PSMC6: variants seen among roughly 807,000 people sequenced by gnomAD.
The protein encoded by PSMC6 is proteasome 26S subunit, ATPase 6, also known as 26S proteasome regulatory subunit 10B.
A neutral mutation model predicts 55.9 loss-of-function variants in PSMC6; 3 were observed. That is an observed-to-expected ratio of 0.05 (90% CI 0.02 to 0.14). PSMC6 has a LOEUF of 0.14. Among genes scored for constraint, PSMC6 ranks in the 10% least tolerant of loss-of-function variants. The pLI, the probability that PSMC6 is intolerant of heterozygous loss-of-function variation, is 1.00. For missense variants in PSMC6, 210 were observed against 478.7 expected, an observed-to-expected ratio of 0.44 and a Z score of 5.24; for synonymous variants, 137 against 155.9, an observed-to-expected ratio of 0.88 and a Z score of 0.90.
In PSMC6 at chr14:52,723,974, C is replaced by A. The variant is rs1234585672; in HGVS notation, c.989C>A (p.Ala330Glu). The change falls in exon 13 of 14, where the codon GCA becomes GAA. Residue 330 changes from alanine (A) to glutamate (E), a missense_variant. Ala to Glu is a moderately radical substitution (Grantham distance 107). Around this residue, in one of 4 missense-constraint regions of PSMC6, gnomAD observed 79 missense variants for 158.7 expected, o/e 0.50. Coordinates refer to ENST00000445930, the MANE Select transcript of PSMC6 (RefSeq NM_002806.5). ...ITKHGEIDYE[A>E]IVKLSDGFNG... ...TATTTTTTCTAAACAGATTATGAAG[C>A]AATTGTGAAGCTTTCGGATGGCTTT... 6.2e-7 allele frequency: 1 copy of A among 1,613,500 alleles called. No homozygotes were observed. The highest frequency in any genetic ancestry group is 1.1e-5 in the South Asian group (1 of 91,024).
chr14:52,720,468 ACATAT>A (rs984737865), intron 10 of PSMC6, among the ~76,000 whole-genome samples: 2 of 151,124 alleles, frequency 1.3e-5, no homozygotes, highest in African/African-American at 4.9e-5. Flanking sequence ...GTTATGTCTG[ACATAT>A]CATAAGCACT....
At chr14:52,724,154 CT>C in intron 13 of PSMC6, 118 bp downstream of exon 13, 2 of 880,858 alleles carry the variant, frequency 2.3e-6, no homozygotes, top group Non-Finnish European at 3.5e-6. Flanking sequence ...TCATGCTGTT[CT>C]TTTAGGAATC....
At chr14:52,716,408 G>C (rs1196573249) in intron 7 of PSMC6, among the ~76,000 whole-genome samples, 1 of 152,152 alleles carries the variant, frequency 6.6e-6, no homozygotes. Context: ...TTTCACAATA[G>C]CCAAGATATA....
Position 52,718,961 on chromosome 14 carries a change from A to G in PSMC6, c.716-16A>G. The G allele has an allele frequency of 6.3e-7, 1 of 1,597,920 alleles. No individual in the cohort carries two copies. The highest frequency in any genetic ancestry group is 2.2e-5 in the East Asian group (1 of 44,768). The stretch of plus-strand genomic sequence containing the variant: ...AAAAGAGTAATGCATATAAATTTCC[A>G]AATCTACTATCTTAGGTGGTCGTCG... On this transcript the variant is annotated splice_polypyrimidine_tract_variant and intron_variant, in intron 9 of 13. Coordinates refer to ENST00000445930, the MANE Select transcript of PSMC6 (RefSeq NM_002806.5).
chr14:52,711,098 T>G lies in PSMC6; in HGVS notation c.259-3T>G. Reference sequence around the variant, plus strand: ...TGTAATATCTTTTGTTTTACAAAACTAGCTTGACAAAAGTAAGCTGAAGCC... The same window carrying G: ...TGTAATATCTTTTGTTTTACAAAACGAGCTTGACAAAAGTAAGCTGAAGCC... On this transcript the variant is annotated splice_region_variant and splice_polypyrimidine_tract_variant and intron_variant, in intron 4 of 13. Coordinates refer to ENST00000445930, the MANE Select transcript of PSMC6 (RefSeq NM_002806.5). 1.3e-6 allele frequency: 2 copies of G among 1,594,586 alleles called. No homozygotes were observed. Among genetic ancestry groups the G allele is most frequent in the Non-Finnish European group, 8.6e-7 (1 of 1,168,294 alleles).
Position 52,721,025 on chromosome 14 carries a change from C to T in PSMC6, c.898+44C>T, listed in dbSNP as rs1382993121. Reference sequence around the variant, plus strand: ...CCTACTGTCCATTTCCCTTTGTGCCCATTTCTTTTTCCATACTTCACTTCA... The same window carrying T: ...CCTACTGTCCATTTCCCTTTGTGCCTATTTCTTTTTCCATACTTCACTTCA... On this transcript the variant is annotated intron_variant, in intron 11 of 13. Coordinates refer to ENST00000445930, the MANE Select transcript of PSMC6 (RefSeq NM_002806.5). The T allele has an allele frequency of 1.2e-5, 19 of 1,596,428 alleles. 2 individuals are homozygous for T. The South Asian group carries it at 1.9e-4, about 16-fold the overall frequency.
intron 13 of PSMC6, 79 bp from the exon 14 acceptor site, chr14:52,727,420 A>G: frequency 1.1e-6 from 1 of 938,854 alleles, no homozygotes; most frequent in East Asian, 2.8e-5. Context: ...TTTATTCCAT[A>G]GAATTATATT....
At chr14:52,708,666 C>T in intron 3 of PSMC6, 98 bp from the exon 4 acceptor site, 1 of 1,568,868 alleles carries the variant, frequency 6.4e-7, no homozygotes, top group Non-Finnish European at 8.7e-7. Flanking sequence ...CTAATGTCTC[C>T]TTGGAGGACA....
chr14:52,711,016 GTTT>G, intron 4 of PSMC6, 82 bp from the exon 5 acceptor site: 1 of 280,180 alleles, frequency 3.6e-6, no homozygotes, highest in Non-Finnish European at 6.1e-6. Flanking sequence ...AAAAATGAGT[GTTT>G]GGCTTCTAAA....
At chr14:52,710,481 A>G (rs1056814531) in intron 4 of PSMC6, 4 of 152,494 alleles carry the variant, frequency 2.6e-5, no homozygotes, top group Non-Finnish European at 5.9e-5. Context: ...ACATCCTGAG[A>G]GTGAGGCAGA....
At position 52,721,661 on chromosome 14, in the gene PSMC6, GAAA is replaced by G. The variant is rs534465034; in HGVS notation, c.979+478_979+480del. On this transcript the variant is annotated intron_variant, in intron 12 of 13. Coordinates refer to ENST00000445930, the MANE Select transcript of PSMC6 (RefSeq NM_002806.5). ...AGTTTGGCAAGACGCTGTTTCAGGG[GAAA>G]AAAAAAGAAAAGGGGGATAGGAAAT... is the stretch of plus-strand genomic sequence containing the variant. 7.0e-3 allele frequency: 1,056 copies of G among 150,886 alleles called. 6 individuals are homozygous for G. Among genetic ancestry groups the G allele is most frequent in the African/African-American group, 0.025 (1,020 of 40,994 alleles). The allele number at this position is 150,886 out of a possible 1,614,324, so 9.3% of individuals were successfully genotyped here. A position where few individuals can be genotyped will look rare whatever the true frequency, so the allele number is the denominator to read the frequency against.
At chr14:52,725,497 C>G (rs917526603) in intron 13 of PSMC6, among the ~76,000 whole-genome samples, 6 of 152,156 alleles carry the variant, frequency 3.9e-5, no homozygotes, top group Non-Finnish European at 7.3e-5. Context: ...CTGTTCAGGT[C>G]CTGACATTAT....
At position 52,711,398 on chromosome 14, in the gene PSMC6, T is replaced by G; in HGVS notation, c.327-12T>G. ...ATCTTTCAAAAGAAAAATACATACC[T>G]TTTCATTCTAGATATTTGCCGAGAG... is the stretch of plus-strand genomic sequence containing the variant. On this transcript the variant is annotated splice_polypyrimidine_tract_variant and intron_variant, in intron 5 of 13. Transcript: ENST00000445930. The G allele has an allele frequency of 6.3e-7, 1 of 1,577,028 alleles. No individual in the cohort carries two copies. The highest frequency in any genetic ancestry group is 8.7e-7 in the Non-Finnish European group (1 of 1,151,304).
chr14:52,721,273 ATC>A (rs1374475431), intron 12 of PSMC6, 83 bp downstream of exon 12: 1 of 1,216,714 alleles, frequency 8.2e-7, no homozygotes, highest in Non-Finnish European at 1.1e-6. Flanking sequence ...AGTTTCCTAA[ATC>A]TGGTTTTAAA....
rs2139838197 is a variant in PSMC6 at position 52,711,091 on chromosome 14, A to G, written c.259-10A>G. The G allele has an allele frequency of 6.3e-7, 1 of 1,590,944 alleles. No homozygotes were observed. ...GTGTTGATGTAATATCTTTTGTTTTACAAAACTAGCTTGACAAAAGTAAGC... is the reference window on the plus strand; with the variant it reads ...GTGTTGATGTAATATCTTTTGTTTTGCAAAACTAGCTTGACAAAAGTAAGC... On this transcript the variant is annotated splice_polypyrimidine_tract_variant and intron_variant, in intron 4 of 13. Coordinates refer to ENST00000445930, the MANE Select transcript of PSMC6 (RefSeq NM_002806.5).
chr14:52,709,820 C>T (rs368884401), intron 4 of PSMC6: 4 of 210,458 alleles, frequency 1.9e-5, no homozygotes, highest in Non-Finnish European at 3.9e-5. Context: ...TGAAATGCTC[C>T]GATGAGCATT....
chr14:52,715,396 A>C (rs967903099), intron 7 of PSMC6, among the ~76,000 whole-genome samples: 2 of 152,236 alleles, frequency 1.3e-5, no homozygotes, highest in African/African-American at 4.8e-5. Context: ...TGCTGTGATT[A>C]TCAGACTGGT....
At chr14:52,722,364 C>T (rs1040919480) in intron 12 of PSMC6, 8 of 150,830 alleles carry the variant, frequency 5.3e-5, no homozygotes, top group South Asian at 2.1e-4. Context: ...GAGTTTATGA[C>T]CCCCCTGCCC....
intron 10 of PSMC6, 113 bp from the exon 11 acceptor site, chr14:52,720,748 A>G (rs568177662): frequency 2.9e-5 from 23 of 805,880 alleles, no homozygotes; most frequent in Non-Finnish European, 4.0e-5. Context: ...TTCTGAAGAT[A>G]GAACATATCT....
Sources: allele counts gnomAD v4.1 joint callset (sites outside exome capture counted in the v4.1 genomes callset), GRCh38; gene constraint gnomAD v4.1.1; regional missense constraint gnomAD v4.1.1; transcripts MANE v1.5; gene names NCBI Gene and HGNC (gene_info 2026-07-23, HGNC 2026-07-21).